Variants in DPY19L2 observed in about 807,000 individuals in gnomAD.
The protein encoded by DPY19L2 is probable C-mannosyltransferase DPY19L2.
Under a neutral mutation model 97.9 loss-of-function variants are expected in DPY19L2, and 34 were observed. That is an observed-to-expected ratio of 0.35 (90% CI 0.26 to 0.46). The LOEUF (loss-of-function observed/expected upper bound fraction) is 0.46, where lower values mean the gene tolerates loss of function less well. DPY19L2 is among the 20% of genes least tolerant of loss of function. The probability of loss-of-function intolerance (pLI) is 1.00; values close to 1 mark genes in which losing one functional copy is unlikely to be tolerated. For missense variants in DPY19L2, 623 were observed against 911.4 expected (o/e 0.68, Z 4.07); for synonymous variants, 230 against 307.9 (o/e 0.75, Z 2.65).
At chr12:63,600,933 C>G (rs1488830298) in intron 12 of DPY19L2, among the ~76,000 whole-genome samples, 3 of 151,862 alleles carry the variant, frequency 2.0e-5, no homozygotes, top group South Asian at 4.1e-4. Flanking sequence ...CCACAGGCAC[C>G]CACCACCATG....
chr12:63,652,733 G>A (rs1441600060), intron 4 of DPY19L2, among the ~76,000 whole-genome samples: 1 of 152,110 alleles, frequency 6.6e-6, no homozygotes, highest in Non-Finnish European at 1.5e-5. Flanking sequence ...GAGTACACAT[G>A]GACACAAAGA....
intron 8 of DPY19L2, among the ~76,000 whole-genome samples, chr12:63,622,916 C>G (rs1373882750): frequency 6.6e-6 from 1 of 152,014 alleles, no homozygotes; most frequent in Non-Finnish European, 1.5e-5. Flanking sequence ...AGAGCAAGAC[C>G]TCATCTCTAA....
intron 1 of DPY19L2, among the ~76,000 whole-genome samples, chr12:63,667,298 G>A (rs1896443765): frequency 6.6e-6 from 1 of 152,064 alleles, no homozygotes; most frequent in Admixed American, 6.6e-5. Flanking sequence ...CTCTTCAGAT[G>A]ATATATAAGG....
chr12:63,589,356 GCAA>G (rs1882432144), intron 16 of DPY19L2, among the ~76,000 whole-genome samples: 2 of 6,232 alleles, frequency 3.2e-4, no homozygotes, highest in Admixed American at 2.4e-3. Flanking sequence ...AAAATGTGTT[GCAA>G]AAAAAAAAAA....
chr12:63,571,865 G>A (rs1373732927), intron 19 of DPY19L2, among the ~76,000 whole-genome samples: 1 of 152,088 alleles, frequency 6.6e-6, no homozygotes, highest in Non-Finnish European at 1.5e-5. Flanking sequence ...TTACAAAATT[G>A]TGAAGGTTAC....
chr12:63,563,143 A>G (rs1876964613), intron 21 of DPY19L2, among the ~76,000 whole-genome samples: 1 of 152,004 alleles, frequency 6.6e-6, no homozygotes, highest in Non-Finnish European at 1.5e-5. Context: ...TTGGGTTTTG[A>G]GAGTTTTTTA....
intron 4 of DPY19L2, among the ~76,000 whole-genome samples, chr12:63,658,337 A>T (rs2138272181): frequency 6.6e-6 from 1 of 152,162 alleles, no homozygotes; most frequent in African/African-American, 2.4e-5. Flanking sequence ...TCTACTAAAA[A>T]TATAAAAATT....
chr12:63,579,229 G>A (rs539885356), intron 19 of DPY19L2, among the ~76,000 whole-genome samples: 2 of 152,304 alleles, frequency 1.3e-5, no homozygotes, highest in East Asian at 3.9e-4. Context: ...TGACCTGACA[G>A]AGCCCCATTA....
intron 4 of DPY19L2, among the ~76,000 whole-genome samples, chr12:63,652,604 C>A (rs1894415052): frequency 6.6e-6 from 1 of 152,072 alleles, no homozygotes; most frequent in Non-Finnish European, 1.5e-5. Context: ...TTATAAAGAA[C>A]AAGATAATGT....
chr12:63,655,438 T>C (rs1373843393), intron 4 of DPY19L2, among the ~76,000 whole-genome samples: 1 of 152,100 alleles, frequency 6.6e-6, no homozygotes, highest in Non-Finnish European at 1.5e-5. Context: ...AAATATGATA[T>C]TGAATCAACT....
intron 16 of DPY19L2, among the ~76,000 whole-genome samples, chr12:63,586,052 A>G (rs1188750635): frequency 1.3e-5 from 2 of 152,210 alleles, no homozygotes; most frequent in Non-Finnish European, 2.9e-5. Flanking sequence ...AAGCAATAAC[A>G]GAAATTCAAA....
chr12:63,656,120 T>C (rs1329013046), intron 4 of DPY19L2, among the ~76,000 whole-genome samples: 1 of 152,164 alleles, frequency 6.6e-6, no homozygotes, highest in Non-Finnish European at 1.5e-5. Flanking sequence ...CTTTTGTTGT[T>C]GTTGCTGCTG....
At chr12:63,668,785 G>A (rs1896638013), upstream of DPY19L2, 1 of 204,174 alleles carries the variant, frequency 4.9e-6, no homozygotes, top group Admixed American at 5.4e-5. Context: ...GTACAGCCCC[G>A]GACGGGCTCC....
intron 10 of DPY19L2, 35 bp from the exon 11 acceptor site, chr12:63,617,425 T>C (rs756631413): frequency 5.4e-5 from 77 of 1,429,728 alleles, no homozygotes; most frequent in Non-Finnish European, 7.3e-5. Context: ...TTTATGGTTA[T>C]TACATATATT....
At chr12:63,668,697 C>T (rs1896627157), upstream of DPY19L2, 1 of 366,136 alleles carries the variant, frequency 2.7e-6, no homozygotes, top group Non-Finnish European at 5.0e-6. Context: ...CCCCCACACC[C>T]TCCCCAGCGC....
intron 12 of DPY19L2, among the ~76,000 whole-genome samples, chr12:63,602,134 G>A (rs1034263520): frequency 3.3e-5 from 5 of 151,658 alleles, no homozygotes; most frequent in East Asian, 1.9e-4. Flanking sequence ...ATCCTCAAAC[G>A]AGCATTCAGA....
intron 21 of DPY19L2, among the ~76,000 whole-genome samples, chr12:63,565,243 CA>C (rs1294770642): frequency 6.6e-6 from 1 of 152,170 alleles, no homozygotes; most frequent in Non-Finnish European, 1.5e-5. Context: ...CAAATTACCA[CA>C]AACAGTTGCT....
chr12:63,633,306 T>G (rs919327146), intron 6 of DPY19L2, among the ~76,000 whole-genome samples: 2 of 152,070 alleles, frequency 1.3e-5, no homozygotes, highest in African/African-American at 4.8e-5. Flanking sequence ...ATTTTTGCAA[T>G]CTACTCATCT....
chr12:63,594,464 A>AGTGTGTGTGTGT (rs539673870), intron 15 of DPY19L2, among the ~76,000 whole-genome samples: 2,901 of 124,924 alleles, frequency 0.023, 78 homozygotes, highest in South Asian at 0.047. Context: ...AGAGAGAGAT[A>AGTGTGTGTGTGT]GTGTGTGTGT....
Sources: gnomAD v4.1 joint callset for allele counts (sites outside exome capture counted in the v4.1 genomes callset) on GRCh38, gnomAD v4.1.1 for gene constraint, MANE v1.5 for transcripts, NCBI Gene and HGNC (gene_info 2026-07-23, HGNC 2026-07-21) for gene names.